Variants in CNTN3 observed in about 807,000 individuals in gnomAD.
The protein encoded by CNTN3 is contactin-3.
A neutral mutation model predicts 119.1 loss-of-function variants in CNTN3; 60 were observed. The ratio of observed to expected loss-of-function variants is 0.50; its 90% CI spans 0.41 to 0.62. The LOEUF is 0.62. Among genes scored for constraint, CNTN3 ranks in the 20% least tolerant of loss-of-function variants. The pLI is 0.00. For synonymous variants in CNTN3, 450 were observed against 438.7 expected, an observed-to-expected ratio of 1.03 and a Z score of -0.32; for missense variants, 1,101 against 1,242.4, an observed-to-expected ratio of 0.89 and a Z score of 1.71.
At chr3:74,593,670 T>TA (rs1310129582) in intron 1 of CNTN3, among the ~76,000 whole-genome samples, 1 of 151,984 alleles carries the variant, frequency 6.6e-6, no homozygotes, top group African/African-American at 2.4e-5. Context: ...AACTGAAGCT[T>TA]AGTTAAGTTT....
chr3:74,450,074 C>A (rs1702120215), intron 4 of CNTN3, among the ~76,000 whole-genome samples: 1 of 152,008 alleles, frequency 6.6e-6, no homozygotes, highest in African/African-American at 2.4e-5. Flanking sequence ...CAAGAATTGT[C>A]CTTTGCTGGG....
At chr3:74,537,249 T>C (rs1703778558) in intron 1 of CNTN3, among the ~76,000 whole-genome samples, 1 of 152,138 alleles carries the variant, frequency 6.6e-6, no homozygotes, top group Non-Finnish European at 1.5e-5. Context: ...AAGCCTATCA[T>C]GGTGCCCAGG....
intron 20 of CNTN3, among the ~76,000 whole-genome samples, chr3:74,276,718 A>C (rs1701888637): frequency 6.6e-6 from 1 of 152,162 alleles, no homozygotes; most frequent in African/African-American, 2.4e-5. Context: ...GTCACACCTC[A>C]AGGAACTAGA....
intron 8 of CNTN3, among the ~76,000 whole-genome samples, chr3:74,366,509 G>T (rs1449022262): frequency 6.6e-6 from 1 of 151,810 alleles, no homozygotes; most frequent in Non-Finnish European, 1.5e-5. Flanking sequence ...ATCCAAAACT[G>T]GGAGGTGAGA....
chr3:74,383,376 A>G (rs1704669831), intron 5 of CNTN3, among the ~76,000 whole-genome samples: 1 of 152,224 alleles, frequency 6.6e-6, no homozygotes, highest in African/African-American at 2.4e-5. Context: ...AAAGGTAAAG[A>G]TGTAAGAATG....
chr3:74,298,754 G>T lies in CNTN3; in HGVS notation c.2167-563C>A, dbSNP rs777000330. On this transcript the variant is annotated intron_variant, in intron 17 of 22. Coordinates refer to ENST00000263665, the MANE Select transcript of CNTN3 (RefSeq NM_020872.3). ...TCTACTAAAAATACAAAAATTAGCCGGGCGTGGTGGCATGCGCCTGTAGTC... is the reference window on the plus strand; with the variant it reads ...TCTACTAAAAATACAAAAATTAGCCTGGCGTGGTGGCATGCGCCTGTAGTC... Among the ~76,000 whole-genome samples, 5 of 151,302 alleles carry T rather than the reference G, an allele frequency of 3.3e-5. No homozygotes were observed. The South Asian group carries it at 1.0e-3, about 32-fold the overall frequency.
chr3:74,483,071 G>C (rs1702791462), intron 4 of CNTN3, among the ~76,000 whole-genome samples: 1 of 151,964 alleles, frequency 6.6e-6, no homozygotes, highest in East Asian at 1.9e-4. Flanking sequence ...GTTGCTTCTT[G>C]TAACTTCCAA....
intron 1 of CNTN3, among the ~76,000 whole-genome samples, chr3:74,585,416 C>T (rs1481676709): frequency 6.6e-6 from 1 of 152,108 alleles, no homozygotes. Flanking sequence ...GGAATCTTGG[C>T]AAACTACAGA....
rs1340836013 is a variant in CNTN3, at chr3:74,499,713, T to A, written c.128A>T (p.Asp43Val). ...SNSIFPVGSE[D>V]KKITLHCEAR... ...TTCACAATGCAAAGTTATTTTTTTATCTTCTGAACCAACAGGGAAAATGCT... is the reference window on the plus strand; with the variant it reads ...TTCACAATGCAAAGTTATTTTTTTAACTTCTGAACCAACAGGGAAAATGCT... The change falls in exon 3 of 23, where the codon GAT becomes GTT. Residue 43 changes from aspartate (D) to valine (V), a missense_variant. Transcript: ENST00000263665. The A allele has an allele frequency of 1.9e-6, 3 of 1,611,898 alleles. No individual in the cohort carries two copies. Among genetic ancestry groups the A allele is most frequent in the South Asian group, 1.1e-5 (1 of 90,994 alleles).
intron 1 of CNTN3, among the ~76,000 whole-genome samples, chr3:74,525,861 G>A (rs79429508): frequency 0.037 from 5,619 of 151,850 alleles, 138 homozygotes; most frequent in South Asian, 0.069. Context: ...AACCATTTGT[G>A]GCTAGTCATA....
At chr3:74,265,786 T>C (rs1701651527) in intron 22 of CNTN3, among the ~76,000 whole-genome samples, 1 of 152,158 alleles carries the variant, frequency 6.6e-6, no homozygotes, top group South Asian at 2.1e-4. Flanking sequence ...CACTAAGAAC[T>C]ATAGAATAGC....
At chr3:74,411,039 C>T (rs893887312) in intron 5 of CNTN3, among the ~76,000 whole-genome samples, 8 of 151,988 alleles carry the variant, frequency 5.3e-5, no homozygotes, top group African/African-American at 1.9e-4. Flanking sequence ...TTCCTCCCTC[C>T]CTCCCTTCCT....
At position 74,369,982 on chromosome 3, in the gene CNTN3, C is replaced by A. The variant is rs767946434; in HGVS notation, c.668G>T (p.Gly223Val). 1 of 1,547,236 alleles carries A rather than the reference C, an allele frequency of 6.5e-7. No individual in the cohort carries two copies. Among genetic ancestry groups the A allele is most frequent in the East Asian group, 2.3e-5 (1 of 44,186 alleles). ...AACTTCTATTTTAGGTTCATATTCA[C>A]CCATCACACCTATAAATCCACAATA... ...PLVLRSDGVM[G>V]EYEPKIEVQF... Residue 223 changes from glycine (G) to valine (V), a missense_variant, in exon 7 of 23, where the codon GGT becomes GTT. Gly to Val is a moderately radical substitution (Grantham distance 109). Coordinates refer to ENST00000263665, the MANE Select transcript of CNTN3 (RefSeq NM_020872.3).
At chr3:74,524,121 G>A (rs1420533095) in intron 1 of CNTN3, among the ~76,000 whole-genome samples, 1 of 151,856 alleles carries the variant, frequency 6.6e-6, no homozygotes, top group Non-Finnish European at 1.5e-5. Context: ...TAAAGAAGGT[G>A]ATTGTTTTCA....
intron 4 of CNTN3, among the ~76,000 whole-genome samples, chr3:74,455,086 A>T (rs913355299): frequency 1.7e-4 from 26 of 152,050 alleles, no homozygotes; most frequent in Admixed American, 1.1e-3. Context: ...CTCCTGGATA[A>T]TATCCTGCAG....
At chr3:74,313,839 A>C (rs998554756) in intron 13 of CNTN3, among the ~76,000 whole-genome samples, 4 of 152,146 alleles carry the variant, frequency 2.6e-5, no homozygotes, top group Non-Finnish European at 5.9e-5. Context: ...TCTCTCCTGG[A>C]TCTGGGGAAA....
chr3:74,329,445 T>C (rs1216376400), intron 13 of CNTN3, among the ~76,000 whole-genome samples: 1 of 152,164 alleles, frequency 6.6e-6, no homozygotes, highest in Admixed American at 6.5e-5. Flanking sequence ...CTGCACCACA[T>C]AGGGTTTATC....
intron 5 of CNTN3, among the ~76,000 whole-genome samples, chr3:74,404,776 A>G (rs1705284274): frequency 6.7e-6 from 1 of 150,256 alleles, no homozygotes; most frequent in African/African-American, 2.5e-5. Context: ...ATACTGCTGA[A>G]TACTAAAGCA....
rs185226870 is a variant in CNTN3 at position 74,319,876 on chromosome 3, T to C, written c.1668+14859A>G. Among the ~76,000 whole-genome samples the C allele has an allele frequency of 3.3e-5, 5 of 150,422 alleles. No homozygotes were observed. In the East Asian group the frequency reaches 9.7e-4, roughly 29 times the overall value. The stretch of plus-strand genomic sequence containing the variant: ...GGTGAAGGAGATGAACAGACACTTC[T>C]CAAAAGAAGACATTTATGCAGCCAA... On this transcript the variant is annotated intron_variant, in intron 13 of 22. Coordinates refer to ENST00000263665, the MANE Select transcript of CNTN3 (RefSeq NM_020872.3).
Sources: allele counts gnomAD v4.1 joint callset (sites outside exome capture counted in the v4.1 genomes callset), GRCh38; gene constraint gnomAD v4.1.1; transcripts MANE v1.5; gene names NCBI Gene and HGNC (gene_info 2026-07-23, HGNC 2026-07-21).